Variants in UBE2E3 observed in about 807,000 individuals in gnomAD.
The protein encoded by UBE2E3 is ubiquitin-conjugating enzyme E2 E3.
UBE2E3 carries 5 observed loss-of-function variants against 23.6 expected under a neutral mutation model. The observed-to-expected ratio is 0.21, with a 90% CI of 0.11 to 0.44. The LOEUF (loss-of-function observed/expected upper bound fraction) is 0.44. Among genes scored for constraint, UBE2E3 ranks in the 20% least tolerant of loss-of-function variants. UBE2E3 has a pLI of 0.99. For synonymous variants in UBE2E3, 78 were observed against 87.5 expected (o/e 0.89, Z 0.60); for missense variants, 81 against 249.8 (o/e 0.32, Z 4.55).
intron 3 of UBE2E3, among the ~76,000 whole-genome samples, chr2:181,040,397 A>G (rs1448179972): frequency 6.6e-6 from 1 of 152,192 alleles, no homozygotes; most frequent in African/African-American, 2.4e-5. Context: ...TGCCTGGCTT[A>G]TGATGTACAT....
chr2:181,011,050 A>G (rs1292553223), intron 3 of UBE2E3, among the ~76,000 whole-genome samples: 1 of 152,096 alleles, frequency 6.6e-6, no homozygotes, highest in Non-Finnish European at 1.5e-5. Flanking sequence ...ATAAAATTAA[A>G]GAGAGACTAG....
chr2:181,033,637 A>C (rs1371279150), intron 3 of UBE2E3, among the ~76,000 whole-genome samples: 1 of 152,244 alleles, frequency 6.6e-6, no homozygotes, highest in Non-Finnish European at 1.5e-5. Context: ...CTTCATGTCT[A>C]AAACACCAAA....
At chr2:181,001,262 T>A (rs11902305) in intron 3 of UBE2E3, among the ~76,000 whole-genome samples, 58,512 of 151,984 alleles carry the variant, frequency 0.38, 11,904 homozygotes, top group East Asian at 0.56. Context: ...GGAAATGAAA[T>A]GAGGTAAAAT....
chr2:180,987,972 G>A (rs1405062919), intron 3 of UBE2E3, among the ~76,000 whole-genome samples: 1 of 152,098 alleles, frequency 6.6e-6, no homozygotes, highest in Admixed American at 6.5e-5. Flanking sequence ...GCTGGTACTG[G>A]AGCAAGACTG....
intron 3 of UBE2E3, 36 bp from the exon 4 acceptor site, chr2:181,057,657 A>G (rs1277342991): frequency 6.5e-7 from 1 of 1,546,688 alleles, no homozygotes. Flanking sequence ...CATTGCTAAT[A>G]TATGTACATA....
intron 3 of UBE2E3, among the ~76,000 whole-genome samples, chr2:181,016,834 G>A (rs1194150712): frequency 1.3e-5 from 2 of 152,192 alleles, no homozygotes; most frequent in African/African-American, 4.8e-5. Flanking sequence ...ATGAAAGTCT[G>A]AAAAGATAAG....
At chr2:181,023,634 C>T (rs950390893) in intron 3 of UBE2E3, among the ~76,000 whole-genome samples, 1 of 152,048 alleles carries the variant, frequency 6.6e-6, no homozygotes, top group Non-Finnish European at 1.5e-5. Context: ...CTGACAACCT[C>T]GAAGGATTTC....
chr2:181,045,282 A>G (rs10803945), intron 3 of UBE2E3, among the ~76,000 whole-genome samples: 58,869 of 152,022 alleles, frequency 0.39, 12,098 homozygotes, highest in East Asian at 0.57. Flanking sequence ...GTGATAGGGA[A>G]GTTTTCCAAG....
rs1382246126 is a variant in UBE2E3, at chr2:180,980,661, C to G, written c.-338C>G. The G allele has an allele frequency of 7.2e-6, 1 of 139,772 alleles. No homozygotes were observed. The highest frequency in any genetic ancestry group is 2.6e-5 in the African/African-American group (1 of 38,766). 8.7% of individuals were successfully genotyped at this position (139,772 alleles called of 1,614,324 possible). On this transcript the variant is annotated 5_prime_UTR_variant, in exon 1 of 6. Coordinates refer to ENST00000410062, the MANE Select transcript of UBE2E3 (RefSeq NM_006357.4). The surrounding 1 kb of genome is among the most constrained non-coding windows in gnomAD (Gnocchi z 5.5). ...CGAGCCGGGCGGCGGCGGCGGGAGG[C>G]TACAGCGCGCGGGGGTCTCCCGCGT...
At chr2:180,981,885 A>T in intron 1 of UBE2E3, 133 bp from the exon 2 acceptor site, 1 of 666,552 alleles carries the variant, frequency 1.5e-6, no homozygotes, top group Non-Finnish European at 2.5e-6. Context: ...CCCCTGTTGT[A>T]CGATGAAATA....
At position 180,981,279 on chromosome 2, in the gene UBE2E3, G is replaced by GT. The variant is rs1031410192; in HGVS notation, c.-26+312dup. 3.9e-5 allele frequency: 6 copies of GT among 152,158 alleles called. No homozygotes were observed. The East Asian group carries it at 7.7e-4, about 20-fold the overall frequency. The allele number at this position is 152,158 out of a possible 1,614,324, so 9.4% of individuals were successfully genotyped here. A position where few individuals can be genotyped will look rare whatever the true frequency, so the allele number is the denominator to read the frequency against. ...TTCTTGGGGCTTTGTTTATTTGTTT[G>GT]TTTTTTCTCTGGGTTTCTTATTTTT... On this transcript the variant is annotated intron_variant, in intron 1 of 5. Coordinates refer to ENST00000410062, the MANE Select transcript of UBE2E3 (RefSeq NM_006357.4).
chr2:181,033,143 T>C (rs2105650365), intron 3 of UBE2E3, among the ~76,000 whole-genome samples: 1 of 152,286 alleles, frequency 6.6e-6, no homozygotes, highest in Middle Eastern at 3.4e-3. Context: ...CCCATCAAGG[T>C]ACCAACGACT....
At chr2:180,985,039 G>T (rs1684413575) in intron 3 of UBE2E3, among the ~76,000 whole-genome samples, 1 of 152,026 alleles carries the variant, frequency 6.6e-6, no homozygotes, top group Admixed American at 6.5e-5. Flanking sequence ...GTATTCACTT[G>T]GGATGATCAG....
chr2:180,988,471 A>G (rs1384506209), intron 3 of UBE2E3, among the ~76,000 whole-genome samples: 1 of 152,214 alleles, frequency 6.6e-6, no homozygotes. Flanking sequence ...AATTCAATAG[A>G]GAATATTATG....
At chr2:181,020,987 A>T (rs1029721502) in intron 3 of UBE2E3, among the ~76,000 whole-genome samples, 1 of 152,288 alleles carries the variant, frequency 6.6e-6, no homozygotes, top group East Asian at 1.9e-4. Context: ...ACATGTTTCA[A>T]TATTTGTGTA....
intron 3 of UBE2E3, among the ~76,000 whole-genome samples, chr2:181,020,278 C>T (rs547694824): frequency 1.3e-5 from 2 of 152,262 alleles, no homozygotes; most frequent in African/African-American, 4.8e-5. Flanking sequence ...TTTTTGACGT[C>T]ACTCTACCTC....
chr2:181,059,225 A>G (rs558599181), intron 4 of UBE2E3, among the ~76,000 whole-genome samples: 62 of 151,848 alleles, frequency 4.1e-4, no homozygotes, highest in African/African-American at 1.3e-3. Flanking sequence ...TAATCTTGGT[A>G]TTTGGAACAA....
rs1383700352 is a variant in UBE2E3, at chr2:181,009,754, C to G, written c.245+25661C>G. Among the ~76,000 whole-genome samples the G allele has an allele frequency of 2.6e-5, 4 of 152,020 alleles. No homozygotes were observed. In the East Asian group the frequency reaches 7.7e-4, roughly 29 times the overall value. ...TGACTCCCGTACTGTAAAGTACAAG[C>G]TAAGACTAATTCCTTTATGAAATGT... On this transcript the variant is annotated intron_variant, in intron 3 of 5. Transcript: ENST00000410062.
rs114881678 is a variant in UBE2E3, at chr2:181,053,082, G to A, written c.246-4611G>A. On this transcript the variant is annotated intron_variant, in intron 3 of 5. Coordinates refer to ENST00000410062, the MANE Select transcript of UBE2E3 (RefSeq NM_006357.4). ...CTTTTCCTCTCGTTCTTTGTGACCAGAATTTCCTTATTTTTACATCTCTTT... is the reference window on the plus strand; with the variant it reads ...CTTTTCCTCTCGTTCTTTGTGACCAAAATTTCCTTATTTTTACATCTCTTT... Among the ~76,000 whole-genome samples the A allele has an allele frequency of 2.7e-3, 416 of 151,832 alleles. 3 individuals are homozygous for A. Among genetic ancestry groups the A allele is most frequent in the African/African-American group, 9.7e-3 (403 of 41,472 alleles).
Sources: gnomAD v4.1 joint callset for allele counts (sites outside exome capture counted in the v4.1 genomes callset) on GRCh38, gnomAD v4.1.1 for gene constraint, Gnocchi (gnomAD v3.1) non-coding constraint, MANE v1.5 for transcripts, NCBI Gene and HGNC (gene_info 2026-07-23, HGNC 2026-07-21) for gene names.